MECOM: variants seen among roughly 807,000 people sequenced by gnomAD.
MECOM encodes the protein histone-lysine N-methyltransferase MECOM.
Under a neutral mutation model 116.3 loss-of-function variants are expected in MECOM, and 13 were observed. The ratio of observed to expected loss-of-function variants is 0.11; its 90% CI spans 0.07 to 0.18. The LOEUF (loss-of-function observed/expected upper bound fraction) is 0.18. Among genes scored for constraint, MECOM ranks in the 10% least tolerant of loss-of-function variants. The probability of loss-of-function intolerance (pLI) is 1.00; values close to 1 mark genes in which losing one functional copy is unlikely to be tolerated. For missense variants in MECOM, 1,299 were observed against 1,509.0 expected (o/e 0.86, Z 2.31); for synonymous variants, 528 against 535.2 (o/e 0.99, Z 0.19).
chr3:169,433,552 AAG>A (rs1445298966), intron 1 of MECOM, among the ~76,000 whole-genome samples: 5 of 150,188 alleles, frequency 3.3e-5, no homozygotes, highest in African/African-American at 9.9e-5. Context: ...AAAGAAAAGA[AAG>A]AAAGAGGAAG....
intron 2 of MECOM, among the ~76,000 whole-genome samples, chr3:169,193,545 T>C (rs9866086): frequency 0.082 from 12,491 of 151,970 alleles, 591 homozygotes; most frequent in South Asian, 0.2. Flanking sequence ...AAAGACGTTT[T>C]AGAACTGCAC....
intron 11 of MECOM, 26 bp from the exon 12 acceptor site, chr3:169,100,988 G>A: frequency 6.4e-7 from 1 of 1,565,464 alleles, no homozygotes; most frequent in Non-Finnish European, 8.8e-7. Context: ...GTTTATAAGA[G>A]AAAGTCAGCA....
intron 2 of MECOM, among the ~76,000 whole-genome samples, chr3:169,215,667 C>A (rs1234830044): frequency 6.6e-6 from 1 of 152,172 alleles, no homozygotes; most frequent in Non-Finnish European, 1.5e-5. Flanking sequence ...ATCACCCTCA[C>A]CCCTTCCAGA....
chr3:169,280,757 T>C (rs1412436104), intron 2 of MECOM, among the ~76,000 whole-genome samples: 15 of 152,150 alleles, frequency 9.9e-5, no homozygotes, highest in Admixed American at 9.2e-4. Context: ...AACAGCATAA[T>C]GACATTGTAT....
At chr3:169,619,918 C>T (rs568664731) in intron 1 of MECOM, among the ~76,000 whole-genome samples, 2 of 152,250 alleles carry the variant, frequency 1.3e-5, no homozygotes, top group Admixed American at 1.3e-4. Context: ...ACCCTGGTGT[C>T]CCCCTGCGGA....
Position 169,273,688 on chromosome 3 carries a change from G to C in MECOM, c.375+107499C>G, listed in dbSNP as rs560953345. On this transcript the variant is annotated intron_variant, in intron 2 of 16. Coordinates refer to ENST00000651503, the MANE Select transcript of MECOM (RefSeq NM_004991.4). Reference sequence around the variant, plus strand: ...AGCGAGTAATCTGCATGTTTACTGCGTCAACATTCTACCCACTTCTGGGTA... The same window carrying C: ...AGCGAGTAATCTGCATGTTTACTGCCTCAACATTCTACCCACTTCTGGGTA... 1.2e-4 allele frequency among the ~76,000 whole-genome samples: 18 copies of C among 152,162 alleles called. 1 individual carries two copies. Among genetic ancestry groups the C allele is most frequent in the African/African-American group, 4.3e-4 (18 of 41,500 alleles).
Position 169,583,832 on chromosome 3 carries a change from C to T in MECOM, c.37+79504G>A, listed in dbSNP as rs147571793. ...GTTGCTCAGGCTGGTCTTGAACTCCCGGGTTTAAGCAATTCTCCTGCCTTG... is the reference window on the plus strand; with the variant it reads ...GTTGCTCAGGCTGGTCTTGAACTCCTGGGTTTAAGCAATTCTCCTGCCTTG... On this transcript the variant is annotated intron_variant, in intron 1 of 16. Transcript: ENST00000651503. Among the ~76,000 whole-genome samples, 24 of 151,348 alleles carry T rather than the reference C, an allele frequency of 1.6e-4. No individual in the cohort carries two copies. The East Asian group carries it at 3.7e-3, about 23-fold the overall frequency.
intron 4 of MECOM, among the ~76,000 whole-genome samples, chr3:169,130,988 A>G (rs1487211273): frequency 1.3e-5 from 2 of 151,984 alleles, no homozygotes; most frequent in African/African-American, 4.8e-5. Context: ...CTTCCCTGAC[A>G]CCCCTCCCAT....
chr3:169,194,784 G>A (rs1328460204), intron 2 of MECOM, among the ~76,000 whole-genome samples: 3 of 152,142 alleles, frequency 2.0e-5, no homozygotes, highest in South Asian at 4.1e-4. Context: ...ATTAAATAGA[G>A]CATCCGCCAA....
At chr3:169,186,294 G>A (rs1746699305) in intron 2 of MECOM, among the ~76,000 whole-genome samples, 1 of 149,560 alleles carries the variant, frequency 6.7e-6, no homozygotes, top group Non-Finnish European at 1.5e-5. Context: ...CATGAGTAAA[G>A]GTAGGGAAAG....
rs567716636 is a variant in MECOM, at chr3:169,440,705, C to A, written c.38-59181G>T. Among the ~76,000 whole-genome samples the A allele has an allele frequency of 3.3e-5, 5 of 152,204 alleles. No individual in the cohort carries two copies. In the East Asian group the frequency reaches 7.7e-4, roughly 23 times the overall value. On this transcript the variant is annotated intron_variant, in intron 1 of 16. Transcript: ENST00000651503. ...CATTGCTTATCTTTTTAGGGATAAA[C>A]CATATGCCCTCCAAAGCTTCTGAAG...
At chr3:169,482,015 G>A (rs1751362250) in intron 1 of MECOM, among the ~76,000 whole-genome samples, 1 of 152,260 alleles carries the variant, frequency 6.6e-6, no homozygotes, top group Non-Finnish European at 1.5e-5. Context: ...GGAATTTATA[G>A]ACTGGAGGGA....
At chr3:169,327,153 G>T (rs560427690) in intron 2 of MECOM, among the ~76,000 whole-genome samples, 26 of 152,234 alleles carry the variant, frequency 1.7e-4, no homozygotes, top group Non-Finnish European at 2.2e-4. Context: ...ATAGACATCA[G>T]CTCATCTGAA....
At position 169,325,271 on chromosome 3, in the gene MECOM, G is replaced by A. The variant is rs1196197274; in HGVS notation, c.375+55916C>T. On this transcript the variant is annotated intron_variant, in intron 2 of 16. Transcript: ENST00000651503. ...CCAACCACTGGAAACTGGATGAGGT[G>A]GGCTTTGGCTGGTGGGTTACTATTC... 8.5e-5 allele frequency among the ~76,000 whole-genome samples: 13 copies of A among 152,138 alleles called. 1 individual carries two copies. The highest frequency in any genetic ancestry group is 8.5e-4 in the Admixed American group (13 of 15,278).
At chr3:169,416,872 A>C (rs1738713342) in intron 1 of MECOM, among the ~76,000 whole-genome samples, 1 of 152,222 alleles carries the variant, frequency 6.6e-6, no homozygotes, top group South Asian at 2.1e-4. Flanking sequence ...TTCCCTATTT[A>C]ATAAATGGTG....
chr3:169,415,103 G>A (rs890795153), intron 1 of MECOM, among the ~76,000 whole-genome samples: 2 of 152,168 alleles, frequency 1.3e-5, no homozygotes, highest in African/African-American at 4.8e-5. Context: ...AGGTTGAAAT[G>A]AAGGAAAATT....
chr3:169,504,737 C>T (rs879368316), intron 1 of MECOM, among the ~76,000 whole-genome samples: 1 of 152,104 alleles, frequency 6.6e-6, no homozygotes, highest in Non-Finnish European at 1.5e-5. Flanking sequence ...CATTCTGCCT[C>T]TTCAGGGTGG....
At chr3:169,237,471 TAC>T (rs1181304877) in intron 2 of MECOM, among the ~76,000 whole-genome samples, 5 of 152,120 alleles carry the variant, frequency 3.3e-5, no homozygotes, top group African/African-American at 1.2e-4. Context: ...CATTCTCCAC[TAC>T]AGTTTTATTA....
At chr3:169,566,906 C>A (rs900958626) in intron 1 of MECOM, among the ~76,000 whole-genome samples, 4 of 152,238 alleles carry the variant, frequency 2.6e-5, no homozygotes, top group Non-Finnish European at 5.9e-5. Flanking sequence ...GGAAAATGAA[C>A]TTAAATTCTG....
Sources: gnomAD v4.1 joint callset for allele counts (sites outside exome capture counted in the v4.1 genomes callset) on GRCh38, gnomAD v4.1.1 for gene constraint, MANE v1.5 for transcripts, NCBI Gene and HGNC (gene_info 2026-07-23, HGNC 2026-07-21) for gene names.